Variants in GULP1 observed in about 807,000 individuals in gnomAD.
GULP1 encodes PTB domain-containing engulfment adapter protein 1.
GULP1 carries 19 observed loss-of-function variants against 40.9 expected under a neutral mutation model. The observed-to-expected ratio is 0.46, with a 90% CI of 0.32 to 0.68. GULP1 has a LOEUF of 0.68. Among genes scored for constraint, GULP1 ranks in the 30% least tolerant of loss-of-function variants. GULP1 has a pLI of 0.03. For missense variants in GULP1, 312 were observed against 362.2 expected (o/e 0.86, Z 1.12); for synonymous variants, 119 against 117.6 (o/e 1.01, Z -0.08).
chr2:188,483,002 G>T (rs2061555732), intron 3 of GULP1, among the ~76,000 whole-genome samples: 2 of 151,854 alleles, frequency 1.3e-5, no homozygotes, highest in South Asian at 2.1e-4. Context: ...AAATCTTGAT[G>T]CTACAATATA....
At chr2:188,321,088 A>T (rs773057330) in intron 1 of GULP1, among the ~76,000 whole-genome samples, 1 of 152,128 alleles carries the variant, frequency 6.6e-6, no homozygotes, top group Non-Finnish European at 1.5e-5. Context: ...AATTTCTACT[A>T]TAGGCTATTT....
chr2:188,461,478 TC>T (rs930640172), intron 2 of GULP1, among the ~76,000 whole-genome samples: 1 of 151,792 alleles, frequency 6.6e-6, no homozygotes, highest in Non-Finnish European at 1.5e-5. Context: ...GCACCACCAT[TC>T]CCAGCTAGTT....
At chr2:188,589,974 C>T (rs1295456780) in intron 11 of GULP1, 2 of 209,556 alleles carry the variant, frequency 9.5e-6, no homozygotes, top group East Asian at 9.7e-5. Flanking sequence ...CCTTTCTTTT[C>T]TTTTTTTTTT....
chr2:188,415,142 T>G (rs1220074062), intron 2 of GULP1, among the ~76,000 whole-genome samples: 3 of 152,182 alleles, frequency 2.0e-5, no homozygotes, highest in African/African-American at 7.2e-5. Flanking sequence ...TACTATAGAT[T>G]AATATGATAC....
At chr2:188,400,342 T>G (rs1339382825) in intron 2 of GULP1, among the ~76,000 whole-genome samples, 2 of 152,198 alleles carry the variant, frequency 1.3e-5, no homozygotes, top group African/African-American at 4.8e-5. Flanking sequence ...ACTGATTGCA[T>G]CTACAAAGAC....
chr2:188,296,229 C>T (rs907584979), intron 1 of GULP1, among the ~76,000 whole-genome samples: 4 of 151,980 alleles, frequency 2.6e-5, no homozygotes, highest in African/African-American at 9.7e-5. Context: ...AATGGTATAA[C>T]TTTGAATGGA....
chr2:188,462,446 C>G (rs905491180), intron 2 of GULP1, among the ~76,000 whole-genome samples: 1 of 152,014 alleles, frequency 6.6e-6, no homozygotes, highest in African/African-American at 2.4e-5. Context: ...TCCATTTGGC[C>G]GAGAGTGCAG....
At chr2:188,494,208 C>T (rs1213771471) in intron 4 of GULP1, among the ~76,000 whole-genome samples, 2 of 151,986 alleles carry the variant, frequency 1.3e-5, no homozygotes, top group Admixed American at 1.3e-4. Context: ...AAACACTCTT[C>T]CACAGGTATC....
intron 9 of GULP1, among the ~76,000 whole-genome samples, chr2:188,575,607 G>A (rs992671012): frequency 1.3e-5 from 2 of 152,200 alleles, no homozygotes; most frequent in African/African-American, 4.8e-5. Flanking sequence ...ATGATAAAAT[G>A]TTAGCAAATG....
chr2:188,449,018 C>T (rs916131409), intron 2 of GULP1, among the ~76,000 whole-genome samples: 1 of 152,110 alleles, frequency 6.6e-6, no homozygotes, highest in Non-Finnish European at 1.5e-5. Context: ...AACCTATTTT[C>T]TTTATTAAGT....
intron 1 of GULP1, among the ~76,000 whole-genome samples, chr2:188,331,556 T>C (rs1409167658): frequency 6.6e-6 from 1 of 152,182 alleles, no homozygotes; most frequent in Non-Finnish European, 1.5e-5. Context: ...GTTCAGCAAA[T>C]TTACATTTTT....
intron 5 of GULP1, among the ~76,000 whole-genome samples, chr2:188,528,303 G>A (rs1686691987): frequency 6.6e-6 from 1 of 151,972 alleles, no homozygotes; most frequent in Non-Finnish European, 1.5e-5. Context: ...AATATTAATT[G>A]TTTAATACTC....
intron 7 of GULP1, among the ~76,000 whole-genome samples, chr2:188,550,312 C>G (rs1166032720): frequency 6.6e-6 from 1 of 151,556 alleles, no homozygotes; most frequent in African/African-American, 2.4e-5. Flanking sequence ...TAGAGGAAGG[C>G]TTACCTTAGC....
At chr2:188,311,867 A>G (rs2038193744) in intron 1 of GULP1, among the ~76,000 whole-genome samples, 1 of 148,272 alleles carries the variant, frequency 6.7e-6, no homozygotes. Context: ...ATATATTATA[A>G]ATATATACAC....
chr2:188,540,670 A>G (rs548420972), intron 6 of GULP1, among the ~76,000 whole-genome samples: 9 of 152,274 alleles, frequency 5.9e-5, no homozygotes, highest in African/African-American at 2.2e-4. Flanking sequence ...ATAAAATTTA[A>G]TAAGATTACT....
At chr2:188,326,655 C>G (rs2040806542) in intron 1 of GULP1, among the ~76,000 whole-genome samples, 1 of 152,142 alleles carries the variant, frequency 6.6e-6, no homozygotes, top group Non-Finnish European at 1.5e-5. Flanking sequence ...ATTCATTGAA[C>G]ACTTGATATA....
At chr2:188,505,027 A>C (rs1459515214) in intron 4 of GULP1, among the ~76,000 whole-genome samples, 2 of 151,652 alleles carry the variant, frequency 1.3e-5, no homozygotes, top group Admixed American at 1.3e-4. Context: ...ACCTTAAATA[A>C]ATTTTTGGAA....
intron 3 of GULP1, among the ~76,000 whole-genome samples, chr2:188,482,744 T>A (rs1037314268): frequency 2.6e-5 from 4 of 151,366 alleles, no homozygotes; most frequent in Admixed American, 2.0e-4. Flanking sequence ...TTACTTTTAA[T>A]ATATTCTATC....
chr2:188,503,833 C>T (rs951624319), intron 4 of GULP1, among the ~76,000 whole-genome samples: 3 of 151,866 alleles, frequency 2.0e-5, no homozygotes, highest in Non-Finnish European at 2.9e-5. Context: ...GAACTAGTAA[C>T]GCTACCATCT....
Sources: gnomAD v4.1 joint callset for allele counts (sites outside exome capture counted in the v4.1 genomes callset) on GRCh38, gnomAD v4.1.1 for gene constraint, MANE v1.5 for transcripts, NCBI Gene and HGNC (gene_info 2026-07-23, HGNC 2026-07-21) for gene names.